The following PTK2 variants were observed in gnomAD, a reference collection of about 807,000 sequenced individuals.
PTK2 encodes focal adhesion kinase 1.
A neutral mutation model predicts 150.1 loss-of-function variants in PTK2; 45 were observed. The ratio of observed to expected loss-of-function variants is 0.30; its 90% CI spans 0.24 to 0.38. The LOEUF (loss-of-function observed/expected upper bound fraction) is 0.38. Ranked by LOEUF, PTK2 falls within the 10% of genes least tolerant of loss-of-function variation. The pLI, the probability that PTK2 is intolerant of heterozygous loss-of-function variation, is 1.00. For missense variants in PTK2, 919 were observed against 1,307.3 expected (o/e 0.70, Z 4.58); for synonymous variants, 432 against 449.2 (o/e 0.96, Z 0.48).
At chr8:140,983,644 TAG>T (rs2055688619) in intron 1 of PTK2, among the ~76,000 whole-genome samples, 1 of 137,812 alleles carries the variant, frequency 7.3e-6, no homozygotes, top group Non-Finnish European at 1.5e-5. Flanking sequence ...ATCACTGTCC[TAG>T]AGAGAGGGAA....
chr8:140,808,386 G>T (rs990551099), intron 10 of PTK2, among the ~76,000 whole-genome samples: 5 of 152,050 alleles, frequency 3.3e-5, no homozygotes, highest in African/African-American at 1.2e-4. Flanking sequence ...ATCTTCTGGG[G>T]GCTCTATCCT....
At chr8:140,669,697 G>A (rs1444009908) in intron 29 of PTK2, 30 bp downstream of exon 33, 3 of 1,531,358 alleles carry the variant, frequency 2.0e-6, no homozygotes, top group Admixed American at 2.0e-5. Context: ...GAGAGAGCTG[G>A]ACAGACACAC....
chr8:140,887,228 C>G (rs1437377806), intron 3 of PTK2, among the ~76,000 whole-genome samples: 1 of 152,166 alleles, frequency 6.6e-6, no homozygotes, highest in Non-Finnish European at 1.5e-5. Context: ...TTGTGTGACC[C>G]TCTCACAGAT....
intron 1 of PTK2, among the ~76,000 whole-genome samples, chr8:140,965,811 G>C (rs1225503977): frequency 6.6e-6 from 1 of 152,112 alleles, no homozygotes; most frequent in Admixed American, 6.5e-5. Flanking sequence ...CAGGAGGAAG[G>C]GGTTGCAGTG....
intron 7 of PTK2, among the ~76,000 whole-genome samples, chr8:140,842,084 C>T (rs1207165737): frequency 6.6e-6 from 1 of 151,944 alleles, no homozygotes; most frequent in Non-Finnish European, 1.5e-5. Flanking sequence ...TAGGATTATT[C>T]CACTTATATT....
intron 3 of PTK2, among the ~76,000 whole-genome samples, chr8:140,887,021 G>A (rs888660517): frequency 6.6e-6 from 1 of 152,168 alleles, no homozygotes; most frequent in African/African-American, 2.4e-5. Flanking sequence ...CCTGAAGCAC[G>A]GTACTGACAC....
intron 2 of PTK2, among the ~76,000 whole-genome samples, chr8:140,897,263 C>T (rs547790211): frequency 1.3e-5 from 2 of 152,068 alleles, no homozygotes; most frequent in African/African-American, 4.8e-5. Context: ...AAAAAATAGG[C>T]CAAAACATTT....
intron 26 of PTK2, among the ~76,000 whole-genome samples, chr8:140,690,739 T>G (rs996230296): frequency 6.6e-6 from 1 of 152,234 alleles, no homozygotes; most frequent in African/African-American, 2.4e-5. Flanking sequence ...CCACAACATA[T>G]GATTCTACAG....
chr8:140,907,505 G>A (rs1490455426), intron 2 of PTK2, among the ~76,000 whole-genome samples: 1 of 152,016 alleles, frequency 6.6e-6, no homozygotes, highest in African/African-American at 2.4e-5. Context: ...TGTATAATTT[G>A]CCTTCCCCAG....
intron 14 of PTK2, among the ~76,000 whole-genome samples, chr8:140,784,255 A>G (rs535037655): frequency 8.5e-5 from 13 of 152,194 alleles, no homozygotes; most frequent in Non-Finnish European, 1.5e-4. Context: ...ATTGGTGTAC[A>G]TGACAGAGAT....
In PTK2 at chr8:140,729,042, CT is replaced by C. The variant is rs1398119847; in HGVS notation, c.2030+6208del. ...TTTGTGTTCCTTAGATGCCTTGCAG[CT>C]TCACTTAGGTATGATACTGAGAAGC... is the stretch of plus-strand genomic sequence containing the variant. On this transcript the variant is annotated intron_variant, in intron 22 of 31. Transcript: ENST00000522684. 3.9e-5 allele frequency among the ~76,000 whole-genome samples: 6 copies of C among 152,082 alleles called. No homozygotes were observed. In the East Asian group the frequency reaches 1.2e-3, roughly 29 times the overall value.
chr8:140,720,468 T>C (rs1035868600), intron 22 of PTK2, among the ~76,000 whole-genome samples: 3 of 150,874 alleles, frequency 2.0e-5, no homozygotes, highest in Non-Finnish European at 4.4e-5. Flanking sequence ...ACTCAAGGAG[T>C]TTGAGTCACA....
At chr8:140,762,428 C>G in intron 15 of PTK2, 40 bp from the exon 18 acceptor site, 1 of 1,082,678 alleles carries the variant, frequency 9.2e-7, no homozygotes, top group African/African-American at 1.7e-5. Context: ...GAAGACCTTG[C>G]TTAGAAATAA....
At chr8:140,987,545 GA>G (rs1285105542) in intron 1 of PTK2, among the ~76,000 whole-genome samples, 3 of 152,122 alleles carry the variant, frequency 2.0e-5, no homozygotes, top group African/African-American at 7.2e-5. Context: ...AACCATATAA[GA>G]AGATGCTCAA....
chr8:140,714,974 T>C (rs1242144367), intron 23 of PTK2, among the ~76,000 whole-genome samples: 1 of 151,740 alleles, frequency 6.6e-6, no homozygotes, highest in African/African-American at 2.4e-5. Context: ...ACGTGCTAAA[T>C]ACTGTGACCA....
At chr8:140,957,360 GGCTCACATTGTACTGCT>G (rs928523824) in intron 1 of PTK2, among the ~76,000 whole-genome samples, 3 of 151,976 alleles carry the variant, frequency 2.0e-5, no homozygotes, top group African/African-American at 7.3e-5. Flanking sequence ...CCCGGGAAGG[GGCTCACATTGTACTGCT>G]GTACAATGTG....
intron 5 of PTK2, among the ~76,000 whole-genome samples, chr8:140,848,638 G>T (rs570012703): frequency 6.6e-6 from 1 of 151,758 alleles, no homozygotes; most frequent in Admixed American, 6.5e-5. Context: ...TTTAGGTCTA[G>T]AACTATTCGT....
chr8:140,659,188 T>C, exon 32 of PTK2: 1 of 464,744 alleles, frequency 2.2e-6, no homozygotes, highest in Non-Finnish European at 3.9e-6. Flanking sequence ...TTCATGATGC[T>C]TAAAAGCTTA....
intron 27 of PTK2, among the ~76,000 whole-genome samples, chr8:140,682,864 A>C (rs915633873): frequency 1.3e-5 from 2 of 152,192 alleles, no homozygotes; most frequent in Non-Finnish European, 2.9e-5. Flanking sequence ...TGTTAAGAAG[A>C]AAGTTTATAG....
Sources: allele counts gnomAD v4.1 joint callset (sites outside exome capture counted in the v4.1 genomes callset), GRCh38; gene constraint gnomAD v4.1.1; transcripts MANE v1.5; gene names NCBI Gene and HGNC (gene_info 2026-07-23, HGNC 2026-07-21).